TRAPPC12: variants seen among roughly 807,000 people sequenced by gnomAD.
TRAPPC12 encodes trafficking protein particle complex subunit 12.
TRAPPC12 carries 61 observed loss-of-function variants against 69.2 expected under a neutral mutation model. The observed-to-expected ratio is 0.88, with a 90% CI of 0.72 to 1.09. The LOEUF (loss-of-function observed/expected upper bound fraction) is 1.09, where lower values mean the gene tolerates loss of function less well. TRAPPC12 is among the 50% of genes least tolerant of loss of function. The pLI is 0.00. For missense variants in TRAPPC12, 1,101 were observed against 1,016.4 expected (o/e 1.08, Z -1.13); for synonymous variants, 469 against 438.9 (o/e 1.07, Z -0.86).
chr2:3,426,273 G>A (rs1486999850), intron 5 of TRAPPC12, among the ~76,000 whole-genome samples: 2 of 152,212 alleles, frequency 1.3e-5, no homozygotes, highest in African/African-American at 4.8e-5. Context: ...TGTCTTGATG[G>A]AGCTGGCTTG....
chr2:3,397,025 T>C (rs1269570578), intron 2 of TRAPPC12, among the ~76,000 whole-genome samples: 1 of 152,212 alleles, frequency 6.6e-6, no homozygotes, highest in Non-Finnish European at 1.5e-5. Context: ...AAAGTTCTTA[T>C]CTGAAAGTTC....
intron 6 of TRAPPC12, among the ~76,000 whole-genome samples, chr2:3,448,965 G>C (rs1664706173): frequency 6.6e-6 from 1 of 152,168 alleles, no homozygotes; most frequent in African/African-American, 2.4e-5. Flanking sequence ...TTTTTATATG[G>C]GGCCCAGTTT....
At chr2:3,433,829 G>A (rs774604541) in intron 5 of TRAPPC12, among the ~76,000 whole-genome samples, 42 of 152,096 alleles carry the variant, frequency 2.8e-4, no homozygotes, top group Non-Finnish European at 3.8e-4. Flanking sequence ...GGAATCTTCC[G>A]GAAAAATAGA....
At chr2:3,439,071 A>G (rs914142979) in intron 5 of TRAPPC12, among the ~76,000 whole-genome samples, 3 of 152,190 alleles carry the variant, frequency 2.0e-5, no homozygotes, top group South Asian at 2.1e-4. Context: ...AGAGCAATCA[A>G]TGAGAGTTCC....
intron 3 of TRAPPC12, among the ~76,000 whole-genome samples, chr2:3,416,506 A>G (rs1572125202): frequency 2.5e-5 from 1 of 39,232 alleles, no homozygotes; most frequent in Admixed American, 3.4e-4. Context: ...CTACCCCTTC[A>G]CTGTGCCCTC....
intron 3 of TRAPPC12, among the ~76,000 whole-genome samples, chr2:3,417,910 G>A (rs921453895): frequency 3.1e-4 from 29 of 94,440 alleles, no homozygotes; most frequent in Non-Finnish European, 5.5e-4. Flanking sequence ...GGGCGTGGTG[G>A]CGGGCGCCTG....
intron 5 of TRAPPC12, among the ~76,000 whole-genome samples, chr2:3,434,225 C>T (rs973973355): frequency 1.1e-4 from 17 of 152,344 alleles, no homozygotes; most frequent in African/African-American, 3.8e-4. Flanking sequence ...CTGCGCAGCG[C>T]TAGGAGCTGC....
chr2:3,445,848 A>G (rs929177284), intron 6 of TRAPPC12, among the ~76,000 whole-genome samples: 5 of 152,240 alleles, frequency 3.3e-5, no homozygotes, highest in South Asian at 2.1e-4. Flanking sequence ...TCCGGGGTCA[A>G]CTGACATCTG....
intron 8 of TRAPPC12, 175 bp downstream of exon 8, chr2:3,460,511 AT>A (rs1257782141): frequency 3.0e-5 from 15 of 501,810 alleles, no homozygotes; most frequent in Admixed American, 1.8e-4. Flanking sequence ...TATGTACTTT[AT>A]TTCTACTGCA....
At chr2:3,467,274 G>A (rs1665861044) in intron 9 of TRAPPC12, among the ~76,000 whole-genome samples, 1 of 152,200 alleles carries the variant, frequency 6.6e-6, no homozygotes, top group Admixed American at 6.5e-5. Context: ...AAAGGAGAAT[G>A]GAGAAAAAGA....
At chr2:3,402,318 G>A (rs995915922) in intron 3 of TRAPPC12, among the ~76,000 whole-genome samples, 9 of 152,152 alleles carry the variant, frequency 5.9e-5, no homozygotes, top group Admixed American at 1.3e-4. Context: ...ATGGCTGGGC[G>A]CAGTGGCTCA....
intron 8 of TRAPPC12, among the ~76,000 whole-genome samples, chr2:3,463,405 C>T (rs892488180): frequency 1.3e-5 from 2 of 151,384 alleles, no homozygotes; most frequent in East Asian, 3.9e-4. Context: ...GGTGCAGGGG[C>T]CCCCGAGATC....
At chr2:3,458,397 C>T (rs1665296903) in intron 7 of TRAPPC12, 19 of 985,824 alleles carry the variant, frequency 1.9e-5, no homozygotes, top group Non-Finnish European at 2.3e-5. Flanking sequence ...TCTCCTCCTT[C>T]CCACAGCTTC....
intron 4 of TRAPPC12, among the ~76,000 whole-genome samples, chr2:3,423,322 T>G (rs1211774746): frequency 6.0e-5 from 9 of 149,082 alleles, no homozygotes; most frequent in Admixed American, 6.0e-4. Context: ...TCGCATGCCT[T>G]TGTGTGTGTG....
At chr2:3,472,937 GATAGGAT>G (rs1243861265) in intron 9 of TRAPPC12, among the ~76,000 whole-genome samples, 7 of 152,144 alleles carry the variant, frequency 4.6e-5, no homozygotes, top group Non-Finnish European at 8.8e-5. Context: ...AAGCAGACTT[GATAGGAT>G]CGTTGCTGAC....
At chr2:3,438,446 T>A (rs1361283441) in intron 5 of TRAPPC12, among the ~76,000 whole-genome samples, 1 of 130,240 alleles carries the variant, frequency 7.7e-6, no homozygotes, top group Non-Finnish European at 1.6e-5. Context: ...ACCTCTGGAT[T>A]AACCCCCATC....
chr2:3,395,335 G>A (rs559204824), intron 2 of TRAPPC12, among the ~76,000 whole-genome samples: 5 of 151,942 alleles, frequency 3.3e-5, no homozygotes, highest in Middle Eastern at 3.4e-3. Flanking sequence ...TTCAAACTTC[G>A]GATGTTTGTC....
chr2:3,383,866 G>GTCT (rs1416193984), intron 1 of TRAPPC12, among the ~76,000 whole-genome samples: 16 of 106,142 alleles, frequency 1.5e-4, no homozygotes, highest in Non-Finnish European at 3.2e-4. Context: ...TGATAGTTCA[G>GTCT]TCTTGTTTTT....
At chr2:3,445,587 T>C (rs540546956) in intron 6 of TRAPPC12, among the ~76,000 whole-genome samples, 1 of 152,328 alleles carries the variant, frequency 6.6e-6, no homozygotes, top group South Asian at 2.1e-4. Context: ...TATTAACTCA[T>C]TTAATCCTTA....
Sources: gnomAD v4.1 joint callset for allele counts (sites outside exome capture counted in the v4.1 genomes callset) on GRCh38, gnomAD v4.1.1 for gene constraint, MANE v1.5 for transcripts, NCBI Gene and HGNC (gene_info 2026-07-23, HGNC 2026-07-21) for gene names.